ADCY2: variants seen among roughly 807,000 people sequenced by gnomAD.
ADCY2 encodes adenylate cyclase 2.
A neutral mutation model predicts 125.2 loss-of-function variants in ADCY2; 31 were observed. The observed-to-expected ratio is 0.25, with a 90% CI of 0.19 to 0.33. The LOEUF (loss-of-function observed/expected upper bound fraction) is 0.33, where lower values mean the gene tolerates loss of function less well. Among genes scored for constraint, ADCY2 ranks in the 10% least tolerant of loss-of-function variants. The probability of loss-of-function intolerance (pLI) is 1.00; values close to 1 mark genes in which losing one functional copy is unlikely to be tolerated. For synonymous variants in ADCY2, 512 were observed against 548.4 expected (o/e 0.93, Z 0.93); for missense variants, 904 against 1,418.2 (o/e 0.64, Z 5.82).
At chr5:7,484,186 G>A (rs558811621) in intron 2 of ADCY2, among the ~76,000 whole-genome samples, 6 of 152,124 alleles carry the variant, frequency 3.9e-5, no homozygotes, top group South Asian at 4.2e-4. Context: ...TATATACTAC[G>A]GAGTTGAAAA....
At chr5:7,726,856 A>C (rs1218574337) in intron 13 of ADCY2, among the ~76,000 whole-genome samples, 1 of 152,212 alleles carries the variant, frequency 6.6e-6, no homozygotes, top group Non-Finnish European at 1.5e-5. Flanking sequence ...CGCGATTCAC[A>C]GTTCACTCAC....
intron 1 of ADCY2, among the ~76,000 whole-genome samples, chr5:7,397,580 T>C (rs1013551680): frequency 1.3e-5 from 2 of 152,216 alleles, no homozygotes; most frequent in Middle Eastern, 3.4e-3. Flanking sequence ...AAGTGGATTT[T>C]GCTTATATTT....
At chr5:7,758,103 C>T (rs777900294) in intron 16 of ADCY2, among the ~76,000 whole-genome samples, 5 of 152,180 alleles carry the variant, frequency 3.3e-5, no homozygotes, top group Admixed American at 1.3e-4. Context: ...ACCAGCTGCA[C>T]GACTAGAAAG....
chr5:7,722,994 C>T (rs1235877608), intron 12 of ADCY2, among the ~76,000 whole-genome samples: 1 of 132,556 alleles, frequency 7.5e-6, no homozygotes, highest in African/African-American at 2.9e-5. Context: ...AAAGCATGTC[C>T]TTTGCAAGGA....
chr5:7,768,964 G>A (rs1187868798), intron 17 of ADCY2, among the ~76,000 whole-genome samples: 1 of 152,170 alleles, frequency 6.6e-6, no homozygotes, highest in African/African-American at 2.4e-5. Context: ...CCAGGGAACA[G>A]TAGAAAAGCC....
chr5:7,538,838 T>G (rs1734900614), intron 3 of ADCY2, among the ~76,000 whole-genome samples: 1 of 143,732 alleles, frequency 7.0e-6, no homozygotes, highest in Non-Finnish European at 1.5e-5. Context: ...TAAATTTCTT[T>G]TTTCTTTTTT....
chr5:7,684,310 C>T (rs758373173), intron 4 of ADCY2, among the ~76,000 whole-genome samples: 1 of 152,128 alleles, frequency 6.6e-6, no homozygotes, highest in Non-Finnish European at 1.5e-5. Flanking sequence ...CACAAGGTGC[C>T]CTGTGCCTAT....
intron 4 of ADCY2, among the ~76,000 whole-genome samples, chr5:7,665,726 TG>T (rs1234516417): frequency 3.3e-5 from 5 of 151,958 alleles, no homozygotes; most frequent in African/African-American, 1.2e-4. Flanking sequence ...TCTTTTTCCT[TG>T]TATTTCAGCT....
In ADCY2 at chr5:7,417,396, G is replaced by T. The variant is rs149917868; in HGVS notation, c.408+2626G>T. On this transcript the variant is annotated intron_variant, in intron 2 of 24. Transcript: ENST00000338316. Reference sequence around the variant, plus strand: ...TTGATCTGAGACTCTCAATTTATTTGTATAGAATTTTCTTTCTCCCTTTCA... The same window carrying T: ...TTGATCTGAGACTCTCAATTTATTTTTATAGAATTTTCTTTCTCCCTTTCA... Among the ~76,000 whole-genome samples, 87 of 152,156 alleles carry T rather than the reference G, an allele frequency of 5.7e-4. No homozygotes were observed. In the East Asian group the frequency reaches 0.016, roughly 28 times the overall value.
intron 2 of ADCY2, among the ~76,000 whole-genome samples, chr5:7,478,215 C>T (rs946005358): frequency 6.6e-6 from 1 of 152,084 alleles, no homozygotes; most frequent in African/African-American, 2.4e-5. Context: ...TGTGGGTTCT[C>T]TCTCTGAACT....
chr5:7,614,165 C>A (rs1221067292), intron 3 of ADCY2, among the ~76,000 whole-genome samples: 1 of 152,228 alleles, frequency 6.6e-6, no homozygotes, highest in African/African-American at 2.4e-5. Flanking sequence ...TCAACAGAGA[C>A]CCCAGATCAC....
chr5:7,815,611 A>T (rs1033889905), intron 22 of ADCY2, among the ~76,000 whole-genome samples: 3 of 152,238 alleles, frequency 2.0e-5, no homozygotes, highest in Non-Finnish European at 4.4e-5. Flanking sequence ...TAAATATAGT[A>T]AGTGCTACAA....
chr5:7,666,951 A>G (rs544801307), intron 4 of ADCY2, among the ~76,000 whole-genome samples: 1 of 152,310 alleles, frequency 6.6e-6, no homozygotes, highest in African/African-American at 2.4e-5. Context: ...GTTCCTCTGC[A>G]TAGACTAAGG....
Position 7,489,188 on chromosome 5 carries a change from G to A in ADCY2, c.409-31550G>A, listed in dbSNP as rs914221816. ...TTTGCTGCAGACTTTCCAAAATTAC[G>A]CATCTGAGTCTCTGAGACCTGTTAG... On this transcript the variant is annotated intron_variant, in intron 2 of 24. Transcript: ENST00000338316. Among the ~76,000 whole-genome samples the A allele has an allele frequency of 4.6e-5, 7 of 152,160 alleles. No individual in the cohort carries two copies. In the East Asian group the frequency reaches 5.8e-4, roughly 13 times the overall value.
intron 24 of ADCY2, among the ~76,000 whole-genome samples, chr5:7,821,085 C>A (rs1344659356): frequency 1.3e-5 from 2 of 152,056 alleles, no homozygotes; most frequent in Non-Finnish European, 2.9e-5. Context: ...TTCTCTCAAG[C>A]TGAATTGGGA....
chr5:7,791,369 T>C (rs752275156), intron 20 of ADCY2, among the ~76,000 whole-genome samples: 15 of 152,144 alleles, frequency 9.9e-5, no homozygotes, highest in Admixed American at 6.5e-5. Flanking sequence ...TCAACCTGGA[T>C]GATACCAGAA....
chr5:7,595,814 A>C (rs1268207323), intron 3 of ADCY2, among the ~76,000 whole-genome samples: 1 of 152,148 alleles, frequency 6.6e-6, no homozygotes, highest in African/African-American at 2.4e-5. Flanking sequence ...ATACAATGTA[A>C]ATGCCATGTA....
At chr5:7,677,615 G>A (rs1740176892) in intron 4 of ADCY2, among the ~76,000 whole-genome samples, 1 of 152,168 alleles carries the variant, frequency 6.6e-6, no homozygotes, top group African/African-American at 2.4e-5. Flanking sequence ...CAAAGTCCCA[G>A]CCCATGGCCA....
At chr5:7,658,486 A>G (rs1324878234) in intron 4 of ADCY2, among the ~76,000 whole-genome samples, 6 of 150,532 alleles carry the variant, frequency 4.0e-5, no homozygotes, top group Non-Finnish European at 5.9e-5. Context: ...GCTGGAGTGC[A>G]GTGGTGTGAT....
Sources: allele counts gnomAD v4.1 joint callset (sites outside exome capture counted in the v4.1 genomes callset), GRCh38; gene constraint gnomAD v4.1.1; transcripts MANE v1.5; gene names NCBI Gene and HGNC (gene_info 2026-07-23, HGNC 2026-07-21).